DOCK3: variants seen among roughly 807,000 people sequenced by gnomAD.
The protein encoded by DOCK3 is dedicator of cytokinesis protein 3.
DOCK3 carries 60 observed loss-of-function variants against 265.6 expected under a neutral mutation model. The observed-to-expected ratio is 0.23, with a 90% CI of 0.18 to 0.28. DOCK3 has a LOEUF of 0.28. DOCK3 is among the 10% of genes least tolerant of loss of function. DOCK3 has a pLI of 1.00. For missense variants in DOCK3, 1,981 were observed against 2,594.3 expected (o/e 0.76, Z 5.14); for synonymous variants, 881 against 938.0 (o/e 0.94, Z 1.11).
chr3:50,982,937 C>G (rs1575676201), intron 5 of DOCK3, among the ~76,000 whole-genome samples: 1 of 152,156 alleles, frequency 6.6e-6, no homozygotes, highest in Non-Finnish European at 1.5e-5. Context: ...TCTCTGCACT[C>G]TTGGGCACCT....
intron 35 of DOCK3, chr3:51,336,809 T>G: frequency 4.4e-6 from 2 of 452,218 alleles, no homozygotes; most frequent in South Asian, 3.1e-5. Context: ...AAGTTCTGGT[T>G]ATGGCCAAAT....
At chr3:50,907,006 G>T (rs993382619) in intron 4 of DOCK3, among the ~76,000 whole-genome samples, 1 of 151,884 alleles carries the variant, frequency 6.6e-6, no homozygotes, top group Non-Finnish European at 1.5e-5. Context: ...CCTTCATTTT[G>T]TTATGTACCC....
intron 9 of DOCK3, among the ~76,000 whole-genome samples, chr3:51,140,553 A>G (rs534123142): frequency 2.0e-5 from 3 of 152,290 alleles, no homozygotes; most frequent in South Asian, 4.1e-4. Context: ...TAATAATGCT[A>G]TGAACATTCA....
At chr3:50,745,002 TCC>T in intron 1 of DOCK3, among the ~76,000 whole-genome samples, 1 of 152,322 alleles carries the variant, frequency 6.6e-6, no homozygotes, top group South Asian at 2.1e-4. Flanking sequence ...GTGTGAGTCC[TCC>T]AACTTTATTC....
At chr3:51,011,204 C>T (rs2078936347) in intron 5 of DOCK3, among the ~76,000 whole-genome samples, 1 of 152,146 alleles carries the variant, frequency 6.6e-6, no homozygotes, top group Non-Finnish European at 1.5e-5. Flanking sequence ...GGATAATATC[C>T]TGCAGAGTGT....
intron 5 of DOCK3, among the ~76,000 whole-genome samples, chr3:50,980,924 C>T (rs2077667078): frequency 6.6e-6 from 1 of 150,600 alleles, no homozygotes; most frequent in Admixed American, 6.6e-5. Flanking sequence ...TTTGTTGATC[C>T]TTTGTATTAC....
chr3:51,166,137 A>T (rs1259287323), intron 12 of DOCK3, among the ~76,000 whole-genome samples: 1 of 147,512 alleles, frequency 6.8e-6, no homozygotes, highest in Non-Finnish European at 1.5e-5. Context: ...TGCAACCTCC[A>T]CTTCCCGGGT....
intron 4 of DOCK3, among the ~76,000 whole-genome samples, chr3:50,905,466 G>A (rs1231736394): frequency 2.0e-5 from 3 of 152,066 alleles, no homozygotes; most frequent in African/African-American, 7.3e-5. Context: ...TCTCCTTGAA[G>A]AGGTCCTTCA....
intron 9 of DOCK3, among the ~76,000 whole-genome samples, chr3:51,106,952 C>T (rs945865860): frequency 2.6e-5 from 4 of 152,246 alleles, no homozygotes; most frequent in Admixed American, 2.6e-4. Flanking sequence ...GTTGGCACCA[C>T]CCAGCAGAGT....
At chr3:50,692,758 G>GT (rs912062946) in intron 1 of DOCK3, among the ~76,000 whole-genome samples, 62 of 151,584 alleles carry the variant, frequency 4.1e-4, no homozygotes, top group East Asian at 9.6e-4. Context: ...ATCTTTTTTT[G>GT]TTTTTTTTGT....
In DOCK3 at chr3:50,832,808, A is replaced by T. The variant is rs926697470; in HGVS notation, c.122-8867A>T. 1.3e-5 allele frequency among the ~76,000 whole-genome samples: 2 copies of T among 152,118 alleles called. 1 individual carries two copies. Among genetic ancestry groups the T allele is most frequent in the South Asian group, 4.1e-4 (2 of 4,832 alleles). On this transcript the variant is annotated intron_variant, in intron 2 of 52. Transcript: ENST00000266037. ...AATAGGGGTGGTGATATTCCTGCCT[A>T]ACTATCAGGGTCTCTTGTATTCAGG...
intron 5 of DOCK3, among the ~76,000 whole-genome samples, chr3:51,038,113 G>A (rs1044384459): frequency 6.6e-6 from 1 of 152,190 alleles, no homozygotes; most frequent in Non-Finnish European, 1.5e-5. Context: ...TAGAATCACA[G>A]AGTCAAATGC....
intron 2 of DOCK3, among the ~76,000 whole-genome samples, chr3:50,801,951 C>T (rs753103991): frequency 6.6e-6 from 1 of 152,060 alleles, no homozygotes; most frequent in Non-Finnish European, 1.5e-5. Flanking sequence ...TACTGTGTTG[C>T]CTTGTCTCTT....
intron 2 of DOCK3, among the ~76,000 whole-genome samples, chr3:50,819,545 A>G (rs746161689): frequency 2.6e-5 from 4 of 152,240 alleles, no homozygotes; most frequent in Non-Finnish European, 5.9e-5. Context: ...GAAGCCAGTC[A>G]AAGCTCACCA....
rs138715742 is a variant in DOCK3 at position 51,060,733 on chromosome 3, G to A, written c.316-3715G>A. Among the ~76,000 whole-genome samples, 143 of 152,212 alleles carry A rather than the reference G, an allele frequency of 9.4e-4. No homozygotes were observed. The East Asian group carries it at 0.02, about 22-fold the overall frequency. On this transcript the variant is annotated intron_variant, in intron 5 of 52. Coordinates refer to ENST00000266037, the MANE Select transcript of DOCK3 (RefSeq NM_004947.5). ...AAGCAGCATTATTTCTGAGGGCTCTGTTCTGTTCCATTGGTCTATATCTCT... is the reference window on the plus strand; with the variant it reads ...AAGCAGCATTATTTCTGAGGGCTCTATTCTGTTCCATTGGTCTATATCTCT...
chr3:51,105,723 C>T (rs1002274310), intron 9 of DOCK3, among the ~76,000 whole-genome samples: 10 of 152,032 alleles, frequency 6.6e-5, no homozygotes, highest in East Asian at 1.9e-4. Flanking sequence ...ACTGACATCC[C>T]GACATTGGGA....
chr3:50,772,058 A>G (rs930254644), intron 1 of DOCK3, among the ~76,000 whole-genome samples: 32 of 152,338 alleles, frequency 2.1e-4, no homozygotes, highest in African/African-American at 6.5e-4. Context: ...CCATGAACAG[A>G]TGAATGGATA....
At chr3:51,157,746 ACT>A (rs1003617691) in intron 10 of DOCK3, among the ~76,000 whole-genome samples, 5 of 148,272 alleles carry the variant, frequency 3.4e-5, no homozygotes, top group Admixed American at 6.8e-5. Context: ...AAACATGGAG[ACT>A]CTGAATCTCT....
intron 10 of DOCK3, among the ~76,000 whole-genome samples, chr3:51,157,654 A>C (rs2085918870): frequency 6.6e-6 from 1 of 152,186 alleles, no homozygotes; most frequent in Non-Finnish European, 1.5e-5. Flanking sequence ...TTGAGGAGCG[A>C]GTGCCTTCTT....
Sources: allele counts gnomAD v4.1 joint callset (sites outside exome capture counted in the v4.1 genomes callset), GRCh38; gene constraint gnomAD v4.1.1; transcripts MANE v1.5; gene names NCBI Gene and HGNC (gene_info 2026-07-23, HGNC 2026-07-21).